ATAD1: variants seen among roughly 807,000 people sequenced by gnomAD.
The protein encoded by ATAD1 is ATPase family AAA domain containing 1.
A neutral mutation model predicts 42.7 loss-of-function variants in ATAD1; 18 were observed. The ratio of observed to expected loss-of-function variants is 0.42; its 90% CI spans 0.29 to 0.63. The LOEUF (loss-of-function observed/expected upper bound fraction) is 0.63, where lower values mean the gene tolerates loss of function less well. Ranked by LOEUF, ATAD1 falls within the 20% of genes least tolerant of loss-of-function variation. The probability of loss-of-function intolerance (pLI) is 0.19; values close to 1 mark genes in which losing one functional copy is unlikely to be tolerated. For synonymous variants in ATAD1, 132 were observed against 143.1 expected (o/e 0.92, Z 0.55); for missense variants, 294 against 440.4 (o/e 0.67, Z 2.98).
chr10:87,829,120 T>C (rs74714863), intron 1 of ATAD1, among the ~76,000 whole-genome samples: 2,163 of 152,282 alleles, frequency 0.014, 64 homozygotes, highest in African/African-American at 0.048. Flanking sequence ...TCAAGTCTTA[T>C]TACTAGAGAA....
chr10:87,804,115 T>C (rs1856821480), intron 2 of ATAD1, among the ~76,000 whole-genome samples: 1 of 152,230 alleles, frequency 6.6e-6, no homozygotes, highest in Non-Finnish European at 1.5e-5. Context: ...GCTCTTAAAA[T>C]TCCTGGCAGT....
chr10:87,811,135 C>T (rs904231877), intron 2 of ATAD1, among the ~76,000 whole-genome samples: 1 of 152,020 alleles, frequency 6.6e-6, no homozygotes, highest in African/African-American at 2.4e-5. Context: ...GAGTTCAAGA[C>T]CAGCCTGGTC....
chr10:87,770,315 G>A (rs572415693), intron 7 of ATAD1, among the ~76,000 whole-genome samples: 14 of 152,292 alleles, frequency 9.2e-5, no homozygotes, highest in African/African-American at 2.9e-4. Flanking sequence ...TTCCTTTGCA[G>A]TCTGAAGGCA....
chr10:87,784,775 T>A, intron 4 of ATAD1, 105 bp from the exon 5 acceptor site: 2 of 1,022,246 alleles, frequency 2.0e-6, no homozygotes, highest in Non-Finnish European at 2.8e-6. Flanking sequence ...TTCCCAATAT[T>A]CAATTCTGCT....
At chr10:87,767,462 A>C (rs1266583686) in intron 8 of ATAD1, among the ~76,000 whole-genome samples, 1 of 152,136 alleles carries the variant, frequency 6.6e-6, no homozygotes, top group Admixed American at 6.6e-5. Flanking sequence ...GCCGCTGCTG[A>C]TGTGACAGGA....
At chr10:87,762,707 A>G (rs1431543909) in intron 8 of ATAD1, among the ~76,000 whole-genome samples, 1 of 151,052 alleles carries the variant, frequency 6.6e-6, no homozygotes, top group Non-Finnish European at 1.5e-5. Context: ...ACCTCAGGTG[A>G]TCTGCCTGCC....
chr10:87,781,827 G>A (rs1460701409), intron 5 of ATAD1, among the ~76,000 whole-genome samples: 2 of 151,480 alleles, frequency 1.3e-5, no homozygotes, highest in African/African-American at 4.9e-5. Context: ...ATTTTTTTTT[G>A]TAGATATGGG....
intron 1 of ATAD1, among the ~76,000 whole-genome samples, chr10:87,837,186 T>C (rs1589581087): frequency 6.6e-6 from 1 of 152,214 alleles, no homozygotes; most frequent in East Asian, 1.9e-4. Context: ...GAGATTTTCC[T>C]GGTTCTTGTA....
chr10:87,766,396 C>G (rs1195026897), intron 8 of ATAD1, among the ~76,000 whole-genome samples: 4 of 152,170 alleles, frequency 2.6e-5, no homozygotes, highest in East Asian at 1.9e-4. Context: ...AATGTCCATA[C>G]AGTGGAATCC....
intron 2 of ATAD1, among the ~76,000 whole-genome samples, chr10:87,798,625 G>GTGT (rs567973402): frequency 3.1e-4 from 39 of 124,930 alleles, no homozygotes; most frequent in South Asian, 2.5e-3. Context: ...AGCTATAGGG[G>GTGT]GTGTGTGTGT....
At chr10:87,824,123 G>A (rs1297777654) in intron 1 of ATAD1, among the ~76,000 whole-genome samples, 2 of 152,076 alleles carry the variant, frequency 1.3e-5, no homozygotes, top group Non-Finnish European at 2.9e-5. Flanking sequence ...AAAAGAGGAT[G>A]CCTAGAACAT....
At chr10:87,829,328 T>A (rs1266474853) in intron 1 of ATAD1, among the ~76,000 whole-genome samples, 1 of 152,020 alleles carries the variant, frequency 6.6e-6, no homozygotes, top group Non-Finnish European at 1.5e-5. Flanking sequence ...TGATCTTGGC[T>A]CACTGCAACC....
At chr10:87,800,983 G>T (rs570683649) in intron 2 of ATAD1, among the ~76,000 whole-genome samples, 1 of 152,216 alleles carries the variant, frequency 6.6e-6, no homozygotes, top group African/African-American at 2.4e-5. Flanking sequence ...ACCAACATAT[G>T]GGCCCCTGTG....
Position 87,759,748 on chromosome 10 carries a change from C to T in ATAD1, c.832-2826G>A, listed in dbSNP as rs1346405442. 6 of 455,756 alleles carry T rather than the reference C, an allele frequency of 1.3e-5. No homozygotes were observed. In the Admixed American group the frequency reaches 1.4e-4, roughly 11 times the overall value. The allele number at this position is 455,756 out of a possible 1,614,324, so 28.2% of individuals were successfully genotyped here. On this transcript the variant is annotated intron_variant, in intron 8 of 9. Coordinates refer to ENST00000680024, the MANE Select transcript of ATAD1 (RefSeq NM_001321967.2). ...CATCACTTCTTTGTGTAATCCTGGG[C>T]AAGTTATTACAAAACTTCTCTGGGT...
In ATAD1 at chr10:87,818,222, A is replaced by G; in HGVS notation, c.-69T>C. 1.0e-6 allele frequency: 1 copy of G among 985,552 alleles called. No individual in the cohort carries two copies. The highest frequency in any genetic ancestry group is 1.2e-6 in the Non-Finnish European group (1 of 830,004). The allele number at this position is 985,552 out of a possible 1,614,324, so 61.1% of individuals were successfully genotyped here. A position where few individuals can be genotyped will look rare whatever the true frequency, so the allele number is the denominator to read the frequency against. On this transcript the variant is annotated 5_prime_UTR_variant, in exon 1 of 10. Coordinates refer to ENST00000680024, the MANE Select transcript of ATAD1 (RefSeq NM_001321967.2). ...CTCAGCCGGCCTCACACAGGAAGGAAACGCAACCTGGGAGAGAACGCTTCC... is the reference window on the plus strand; with the variant it reads ...CTCAGCCGGCCTCACACAGGAAGGAGACGCAACCTGGGAGAGAACGCTTCC...
chr10:87,781,642 G>A (rs1855563570), intron 5 of ATAD1, among the ~76,000 whole-genome samples: 1 of 126,330 alleles, frequency 7.9e-6, no homozygotes, highest in Admixed American at 7.5e-5. Context: ...TGGAAGAGAT[G>A]AAGAATTTTT....
At chr10:87,800,692 G>A (rs548109354) in intron 2 of ATAD1, among the ~76,000 whole-genome samples, 1 of 152,220 alleles carries the variant, frequency 6.6e-6, no homozygotes, top group African/African-American at 2.4e-5. Flanking sequence ...TGAGTTACAT[G>A]GCTTTGACTT....
chr10:87,836,980 C>T (rs774399045), intron 1 of ATAD1, among the ~76,000 whole-genome samples: 1 of 152,014 alleles, frequency 6.6e-6, no homozygotes, highest in African/African-American at 2.4e-5. Context: ...ACAATTAGTT[C>T]TTTATTTTTG....
intron 2 of ATAD1, among the ~76,000 whole-genome samples, chr10:87,813,919 TCAC>T (rs1283398175): frequency 5.9e-5 from 9 of 151,972 alleles, no homozygotes; most frequent in Non-Finnish European, 1.2e-4. Flanking sequence ...CAGAAACCAA[TCAC>T]CTTTAAAAGG....
Sources: gnomAD v4.1 joint callset for allele counts (sites outside exome capture counted in the v4.1 genomes callset) on GRCh38, gnomAD v4.1.1 for gene constraint, MANE v1.5 for transcripts, NCBI Gene and HGNC (gene_info 2026-07-23, HGNC 2026-07-21) for gene names.